Variants in TMEM132D observed in about 807,000 individuals in gnomAD.
TMEM132D encodes mature OL transmembrane protein.
Under a neutral mutation model 62.3 loss-of-function variants are expected in TMEM132D, and 21 were observed. The ratio of observed to expected loss-of-function variants is 0.34; its 90% confidence interval spans 0.24 to 0.49. The LOEUF is 0.49. Among genes scored for constraint, TMEM132D ranks in the 20% least tolerant of loss-of-function variants. TMEM132D has a pLI of 0.99. For missense variants in TMEM132D, 1,346 were observed against 1,402.8 expected, an observed-to-expected ratio of 0.96 and a Z score of 0.65; for synonymous variants, 621 against 575.6, an observed-to-expected ratio of 1.08 and a Z score of -1.13.
chr12:129,868,467 G>A (rs1399843745), intron 1 of TMEM132D, among the ~76,000 whole-genome samples: 4 of 152,120 alleles, frequency 2.6e-5, no homozygotes, highest in South Asian at 2.1e-4. Context: ...TTCCATGCAC[G>A]ATGACAAGCC....
chr12:129,226,339 G>A (rs540659837), intron 4 of TMEM132D, among the ~76,000 whole-genome samples: 1 of 152,350 alleles, frequency 6.6e-6, no homozygotes, highest in Admixed American at 6.5e-5. Flanking sequence ...TGGGCCTTGA[G>A]CATCTCTTCT....
intron 2 of TMEM132D, among the ~76,000 whole-genome samples, chr12:129,570,285 C>T (rs991204755): frequency 5.9e-5 from 9 of 152,216 alleles, no homozygotes; most frequent in African/African-American, 2.2e-4. Flanking sequence ...AGGCTCTACT[C>T]TCAGGTTCTC....
At chr12:129,874,964 G>A (rs139929533) in intron 1 of TMEM132D, among the ~76,000 whole-genome samples, 151 of 152,216 alleles carry the variant, frequency 9.9e-4, no homozygotes, top group Middle Eastern at 3.4e-3. Context: ...GGCGTGAGCC[G>A]CCATGCCCGG....
intron 3 of TMEM132D, among the ~76,000 whole-genome samples, chr12:129,496,417 G>A (rs368905633): frequency 7.0e-4 from 107 of 152,228 alleles, no homozygotes; most frequent in Non-Finnish European, 1.0e-3. Context: ...AGAAAGAAAT[G>A]TTTGGCTGAC....
chr12:129,152,803 C>T (rs12824981), intron 5 of TMEM132D, among the ~76,000 whole-genome samples: 50,094 of 152,148 alleles, frequency 0.33, 9,512 homozygotes, highest in Non-Finnish European at 0.43. Flanking sequence ...ATCCCAGGCT[C>T]TGCAAACCGT....
At chr12:129,882,495 C>G (rs1874628081) in intron 1 of TMEM132D, among the ~76,000 whole-genome samples, 1 of 152,114 alleles carries the variant, frequency 6.6e-6, no homozygotes, top group Non-Finnish European at 1.5e-5. Context: ...ACCACGTCAT[C>G]CAGCTTACTA....
chr12:129,436,462 G>C (rs1872789934), intron 3 of TMEM132D, among the ~76,000 whole-genome samples: 1 of 152,146 alleles, frequency 6.6e-6, no homozygotes, highest in Non-Finnish European at 1.5e-5. Flanking sequence ...AAAAGACCAA[G>C]CGTAGCAGTG....
At chr12:129,396,460 A>G (rs1027575554) in intron 3 of TMEM132D, among the ~76,000 whole-genome samples, 3 of 152,260 alleles carry the variant, frequency 2.0e-5, no homozygotes, top group Non-Finnish European at 4.4e-5. Context: ...AGTCACATCC[A>G]TAAGAGAAAT....
intron 2 of TMEM132D, among the ~76,000 whole-genome samples, chr12:129,579,155 G>T (rs190700219): frequency 6.6e-6 from 1 of 152,168 alleles, no homozygotes; most frequent in Non-Finnish European, 1.5e-5. Context: ...GCTTTTGAAC[G>T]ATGAATGCTG....
chr12:129,394,337 C>T (rs950249598), intron 3 of TMEM132D, among the ~76,000 whole-genome samples: 1 of 152,184 alleles, frequency 6.6e-6, no homozygotes, highest in African/African-American at 2.4e-5. Flanking sequence ...GAAGGGAGCC[C>T]GTGAGGACTG....
At chr12:129,286,983 G>T (rs1485591137) in intron 4 of TMEM132D, among the ~76,000 whole-genome samples, 1 of 152,036 alleles carries the variant, frequency 6.6e-6, no homozygotes, top group Non-Finnish European at 1.5e-5. Flanking sequence ...GGGAGGTGGA[G>T]GTTGCAATGA....
chr12:129,248,825 A>G (rs868775767), intron 4 of TMEM132D, among the ~76,000 whole-genome samples: 1 of 152,194 alleles, frequency 6.6e-6, no homozygotes, highest in South Asian at 2.1e-4. Flanking sequence ...ATACTTTGCT[A>G]TAAGGATAAC....
intron 1 of TMEM132D, among the ~76,000 whole-genome samples, chr12:129,710,284 T>A (rs1881608709): frequency 6.6e-6 from 1 of 151,610 alleles, no homozygotes. Flanking sequence ...CATTATTAAT[T>A]TTTATTTATT....
chr12:129,239,819 G>C (rs1879888047), intron 4 of TMEM132D, among the ~76,000 whole-genome samples: 1 of 152,200 alleles, frequency 6.6e-6, no homozygotes, highest in Admixed American at 6.5e-5. Context: ...CTTGAGAAAT[G>C]ACAGAGGATA....
At chr12:129,614,360 C>A (rs1878860266) in intron 2 of TMEM132D, among the ~76,000 whole-genome samples, 1 of 152,238 alleles carries the variant, frequency 6.6e-6, no homozygotes, top group South Asian at 2.1e-4. Context: ...GCCAGAGGGA[C>A]TGATGCCCTG....
chr12:129,370,297 C>T (rs1322825850), intron 3 of TMEM132D, among the ~76,000 whole-genome samples: 1 of 152,190 alleles, frequency 6.6e-6, no homozygotes. Context: ...GGAGCCATGA[C>T]AGTTAATGAT....
At chr12:129,553,949 T>C (rs1033569329) in intron 2 of TMEM132D, among the ~76,000 whole-genome samples, 3 of 152,176 alleles carry the variant, frequency 2.0e-5, no homozygotes, top group African/African-American at 7.2e-5. Flanking sequence ...CAAAGGAAAC[T>C]CTCCAAGCTT....
At chr12:129,487,732 T>C (rs190678742) in intron 3 of TMEM132D, among the ~76,000 whole-genome samples, 1 of 151,506 alleles carries the variant, frequency 6.6e-6, no homozygotes, top group Non-Finnish European at 1.5e-5. Flanking sequence ...GGAGATCTCC[T>C]GAGACCATCC....
At chr12:129,619,613 C>T (rs1203101376) in intron 2 of TMEM132D, among the ~76,000 whole-genome samples, 1 of 152,174 alleles carries the variant, frequency 6.6e-6, no homozygotes, top group African/African-American at 2.4e-5. Context: ...CATTTAAACT[C>T]AATTAACTTT....
Sources: gnomAD v4.1 joint callset for allele counts (sites outside exome capture counted in the v4.1 genomes callset) on GRCh38, gnomAD v4.1.1 for gene constraint, MANE v1.5 for transcripts, NCBI Gene and HGNC (gene_info 2026-07-23, HGNC 2026-07-21) for gene names.